Variants in LINGO2 observed in about 807,000 individuals in gnomAD.
The protein encoded by LINGO2 is leucine rich repeat and Ig domain containing 2, also known as leucine-rich repeat and immunoglobulin-like domain-containing nogo receptor-interacting protein 2.
A neutral mutation model predicts 30.6 loss-of-function variants in LINGO2; 14 were observed. The ratio of observed to expected loss-of-function variants is 0.46; its 90% confidence interval spans 0.30 to 0.72. The LOEUF is 0.72. Among genes scored for constraint, LINGO2 ranks in the 30% least tolerant of loss-of-function variants. LINGO2 has a pLI of 0.07. For synonymous variants in LINGO2, 317 were observed against 288.5 expected, an observed-to-expected ratio of 1.10 and a Z score of -1.00; for missense variants, 729 against 751.7, an observed-to-expected ratio of 0.97 and a Z score of 0.35.
the LINGO2 span, among the ~76,000 whole-genome samples, chr9:29,141,892 G>A: frequency 6.6e-6 from 1 of 151,948 alleles, no homozygotes; most frequent in Non-Finnish European, 1.5e-5. Flanking sequence ...CTCACTAGCA[G>A]AGCAACTAAA....
the LINGO2 span, among the ~76,000 whole-genome samples, chr9:28,872,679 A>T: frequency 6.6e-6 from 1 of 152,122 alleles, no homozygotes; most frequent in Admixed American, 6.6e-5. Flanking sequence ...TATTGTTTTG[A>T]TTAAATAGGT....
chr9:28,952,733 T>C, the LINGO2 span, among the ~76,000 whole-genome samples: 3 of 152,160 alleles, frequency 2.0e-5, no homozygotes, highest in Admixed American at 6.6e-5. Context: ...TCAGTGGAAC[T>C]GCTAGATGAT....
chr9:28,640,492 C>T (rs558030613), intron 1 of LINGO2, among the ~76,000 whole-genome samples: 2 of 149,994 alleles, frequency 1.3e-5, no homozygotes, highest in East Asian at 3.9e-4. Flanking sequence ...TCACACAGTC[C>T]CATATTTCTT....
chr9:28,872,379 T>A, the LINGO2 span, among the ~76,000 whole-genome samples: 63 of 152,104 alleles, frequency 4.1e-4, 1 homozygote, highest in African/African-American at 1.5e-3. Flanking sequence ...GTGGAAGACA[T>A]GACATTTAAC....
chr9:29,132,966 C>T, the LINGO2 span, among the ~76,000 whole-genome samples: 1 of 151,970 alleles, frequency 6.6e-6, no homozygotes, highest in East Asian at 1.9e-4. Context: ...GGTAATCCTC[C>T]TGCCTTAGCT....
intron 5 of LINGO2, among the ~76,000 whole-genome samples, chr9:27,965,522 T>A (rs941783885): frequency 1.3e-5 from 2 of 152,100 alleles, no homozygotes; most frequent in East Asian, 3.9e-4. Flanking sequence ...GGACTGTATC[T>A]ATCTGAAAAC....
chr9:28,280,758 AG>A (rs942144691), intron 4 of LINGO2, among the ~76,000 whole-genome samples: 6 of 152,272 alleles, frequency 3.9e-5, no homozygotes, highest in African/African-American at 1.2e-4. Flanking sequence ...AGACTGAATA[AG>A]GAAAGAACTG....
At chr9:27,954,463 C>T (rs181076094) in intron 5 of LINGO2, among the ~76,000 whole-genome samples, 9 of 152,278 alleles carry the variant, frequency 5.9e-5, no homozygotes, top group East Asian at 3.9e-4. Flanking sequence ...TTTCTGTGCT[C>T]GGCTTAATTC....
chr9:28,100,892 C>T (rs763137459), intron 4 of LINGO2, among the ~76,000 whole-genome samples: 3 of 152,008 alleles, frequency 2.0e-5, no homozygotes, highest in Non-Finnish European at 2.9e-5. Context: ...TGCTCTTATT[C>T]GCCACCCACG....
chr9:28,668,695 G>C (rs575637214), intron 1 of LINGO2, among the ~76,000 whole-genome samples: 20 of 152,160 alleles, frequency 1.3e-4, no homozygotes, highest in Admixed American at 1.2e-3. Context: ...TACTTAAGCT[G>C]ACTAAAGAAA....
At chr9:28,718,055 T>C in the LINGO2 span, among the ~76,000 whole-genome samples, 5 of 151,832 alleles carry the variant, frequency 3.3e-5, no homozygotes, top group Non-Finnish European at 5.9e-5. Flanking sequence ...ATATAGGCAA[T>C]GTTATAACAG....
At chr9:28,419,871 AAAGT>A (rs1227726522) in intron 2 of LINGO2, among the ~76,000 whole-genome samples, 4 of 152,192 alleles carry the variant, frequency 2.6e-5, no homozygotes, top group African/African-American at 9.6e-5. Context: ...TGGATTATAA[AAAGT>A]AATAAGTAAG....
the LINGO2 span, among the ~76,000 whole-genome samples, chr9:29,107,178 T>A: frequency 1.3e-5 from 2 of 152,052 alleles, no homozygotes; most frequent in East Asian, 1.9e-4. Context: ...GAAAAAATAA[T>A]AAATCCTGCT....
chr9:28,606,028 A>C (rs1253861832), intron 1 of LINGO2, among the ~76,000 whole-genome samples: 1 of 151,964 alleles, frequency 6.6e-6, no homozygotes, highest in Non-Finnish European at 1.5e-5. Context: ...GAATCTCATG[A>C]AATAACAAAC....
chr9:28,141,759 C>A (rs1004821366), intron 4 of LINGO2, among the ~76,000 whole-genome samples: 2 of 151,886 alleles, frequency 1.3e-5, no homozygotes, highest in Non-Finnish European at 2.9e-5. Flanking sequence ...TAGTGAGATA[C>A]AAAAAAATTA....
At chr9:28,151,179 T>C (rs1173748664) in intron 4 of LINGO2, among the ~76,000 whole-genome samples, 1 of 152,144 alleles carries the variant, frequency 6.6e-6, no homozygotes, top group Non-Finnish European at 1.5e-5. Flanking sequence ...AATAACATAT[T>C]ATGACCAAGA....
intron 5 of LINGO2, among the ~76,000 whole-genome samples, chr9:27,955,559 T>C (rs978250685): frequency 2.6e-5 from 4 of 152,210 alleles, no homozygotes; most frequent in Non-Finnish European, 5.9e-5. Flanking sequence ...AATGAAATCA[T>C]ATAATATATA....
At chr9:28,842,186 CCT>C in the LINGO2 span, among the ~76,000 whole-genome samples, 1 of 151,912 alleles carries the variant, frequency 6.6e-6, no homozygotes. Flanking sequence ...GTCCCTGTCC[CCT>C]GAGTTGGAAC....
intron 4 of LINGO2, among the ~76,000 whole-genome samples, chr9:28,294,711 G>C (rs1027073728): frequency 6.6e-6 from 1 of 152,052 alleles, no homozygotes; most frequent in Non-Finnish European, 1.5e-5. Flanking sequence ...TTAAATAACA[G>C]GTGAATAGAT....
Sources: gnomAD v4.1 joint callset for allele counts (sites outside exome capture counted in the v4.1 genomes callset) on GRCh38, gnomAD v4.1.1 for gene constraint, MANE v1.5 for transcripts, NCBI Gene and HGNC (gene_info 2026-07-23, HGNC 2026-07-21) for gene names.